UNC13C: variants seen among roughly 807,000 people sequenced by gnomAD.
UNC13C encodes unc-13 homolog C.
UNC13C carries 174 observed loss-of-function variants against 245.4 expected under a neutral mutation model. That is an observed-to-expected ratio of 0.71 (90% CI 0.63 to 0.80). The LOEUF is 0.80. UNC13C is among the 30% of genes least tolerant of loss of function. The pLI is 0.00. For missense variants in UNC13C, 2,829 were observed against 2,602.9 expected (o/e 1.09, Z -1.89); for synonymous variants, 992 against 895.1 (o/e 1.11, Z -1.93).
intron 18 of UNC13C, among the ~76,000 whole-genome samples, chr15:54,408,033 C>T (rs906487222): frequency 6.6e-6 from 1 of 151,350 alleles, no homozygotes; most frequent in Non-Finnish European, 1.5e-5. Context: ...AACTCCGTCT[C>T]TACTAAAAAT....
At chr15:54,175,155 C>A (rs2033563345) in intron 4 of UNC13C, among the ~76,000 whole-genome samples, 3 of 152,160 alleles carry the variant, frequency 2.0e-5, no homozygotes, top group Admixed American at 6.5e-5. Flanking sequence ...GTTCTCCCTG[C>A]AGCAGAAACT....
At chr15:54,273,579 G>C (rs2036749591) in intron 10 of UNC13C, among the ~76,000 whole-genome samples, 2 of 152,112 alleles carry the variant, frequency 1.3e-5, no homozygotes, top group South Asian at 2.1e-4. Flanking sequence ...TGGGTTATTG[G>C]TCTATCAATG....
rs267604266 is a variant in UNC13C, at chr15:54,555,449, G to A, written c.5895G>A (p.Glu1965=). Residue 1965 remains glutamate (E), a synonymous_variant, in exon 29 of 33, where the codon GAG becomes GAA. Transcript: ENST00000260323. The stretch of plus-strand genomic sequence containing the variant: ...TTTTCCAGGAGCACATGATTCGAGA[G>A]GATGCCAGGGGTCTGACGCCAAGAC... ...LSKLKEHMIR[E]DARGLTPRQC... 2 of 1,612,328 alleles carry A rather than the reference G, an allele frequency of 1.2e-6. No individual in the cohort carries two copies. The highest frequency in any genetic ancestry group is 1.7e-4 in the Middle Eastern group (1 of 6,050).
chr15:54,101,586 C>T (rs1412395814), intron 2 of UNC13C, among the ~76,000 whole-genome samples: 1 of 151,346 alleles, frequency 6.6e-6, no homozygotes, highest in Non-Finnish European at 1.5e-5. Context: ...ATTATCCTCC[C>T]CCTTTTTTTT....
chr15:53,918,751 G>C, the UNC13C span, among the ~76,000 whole-genome samples: 3 of 152,094 alleles, frequency 2.0e-5, no homozygotes, highest in African/African-American at 7.2e-5. Context: ...TTCTGAAGCC[G>C]GATGCTTCTT....
chr15:53,985,531 A>G (rs533573277), intron 1 of UNC13C, among the ~76,000 whole-genome samples: 20 of 152,034 alleles, frequency 1.3e-4, no homozygotes, highest in African/African-American at 4.3e-4. Context: ...AAGAAGAGAG[A>G]TTAGAGTCTG....
At chr15:54,161,641 C>T (rs2032979378) in intron 4 of UNC13C, among the ~76,000 whole-genome samples, 1 of 151,808 alleles carries the variant, frequency 6.6e-6, no homozygotes, top group African/African-American at 2.4e-5. Flanking sequence ...AGCCTTTTGT[C>T]AGTTATCATT....
chr15:54,280,713 TAC>T lies in UNC13C; in HGVS notation c.3819-13180_3819-13179del, dbSNP rs946198388. Among the ~76,000 whole-genome samples, 12 of 134,822 alleles carry T rather than the reference TAC, an allele frequency of 8.9e-5. 1 individual carries two copies. The highest frequency in any genetic ancestry group is 3.6e-4 in the African/African-American group (12 of 33,222). The allele number at this position is 134,822 out of a possible 152,430, so 88.4% of individuals were successfully genotyped here. The stretch of plus-strand genomic sequence containing the variant: ...ATAAACATATGTATACATACATATA[TAC>T]ATATATAAACATATGTATACATACA... On this transcript the variant is annotated intron_variant, in intron 10 of 32. Transcript: ENST00000260323.
At chr15:53,973,575 T>C (rs1893604803), upstream of UNC13C, among the ~76,000 whole-genome samples, 1 of 137,008 alleles carries the variant, frequency 7.3e-6, no homozygotes, top group Non-Finnish European at 1.6e-5. Flanking sequence ...GTTTCCTGAA[T>C]CAACAAAATT....
chr15:54,346,630 A>G (rs1271223474), intron 17 of UNC13C, among the ~76,000 whole-genome samples: 1 of 152,222 alleles, frequency 6.6e-6, no homozygotes, highest in Non-Finnish European at 1.5e-5. Flanking sequence ...TTGATAGAAA[A>G]GTAGAGACAG....
At chr15:54,428,860 G>C (rs1407715027) in intron 19 of UNC13C, among the ~76,000 whole-genome samples, 1 of 151,624 alleles carries the variant, frequency 6.6e-6, no homozygotes, top group Non-Finnish European at 1.5e-5. Context: ...GGTGCTTCCT[G>C]ACTCCTGCCC....
chr15:54,042,574 C>T (rs2141036026), intron 2 of UNC13C, among the ~76,000 whole-genome samples: 1 of 152,212 alleles, frequency 6.6e-6, no homozygotes, highest in African/African-American at 2.4e-5. Context: ...CTTACTGAGG[C>T]CGGGTGTGGT....
chr15:54,109,442 TGC>T (rs1305162470), intron 2 of UNC13C, among the ~76,000 whole-genome samples: 6 of 148,786 alleles, frequency 4.0e-5, no homozygotes, highest in African/African-American at 1.5e-4. Flanking sequence ...CCCAGGTTCA[TGC>T]CATTCTCCTG....
intron 18 of UNC13C, among the ~76,000 whole-genome samples, chr15:54,401,483 T>C (rs1325934947): frequency 1.3e-5 from 2 of 152,160 alleles, no homozygotes; most frequent in African/African-American, 4.8e-5. Context: ...TCTGGAACTG[T>C]ACCAAGAAAT....
At chr15:54,492,873 C>T (rs530634050) in intron 19 of UNC13C, among the ~76,000 whole-genome samples, 9 of 152,142 alleles carry the variant, frequency 5.9e-5, no homozygotes, top group Admixed American at 5.9e-4. Flanking sequence ...TTCTAGGACA[C>T]AGGAGGAAAA....
chr15:54,517,415 TG>T (rs1895027839), intron 24 of UNC13C, among the ~76,000 whole-genome samples: 1 of 152,110 alleles, frequency 6.6e-6, no homozygotes, highest in Non-Finnish European at 1.5e-5. Context: ...GGGCAGAAAT[TG>T]GGGTACAAAA....
chr15:54,204,531 A>G (rs775649315), intron 4 of UNC13C, among the ~76,000 whole-genome samples: 12 of 152,148 alleles, frequency 7.9e-5, no homozygotes, highest in African/African-American at 1.9e-4. Context: ...GATATAAAGT[A>G]TCAAATTCTC....
intron 32 of UNC13C, among the ~76,000 whole-genome samples, chr15:54,624,247 A>G (rs1252222896): frequency 6.6e-6 from 1 of 152,192 alleles, no homozygotes; most frequent in Non-Finnish European, 1.5e-5. Context: ...GTCATATGGC[A>G]TTAAATACAA....
At chr15:54,488,749 G>T (rs574628786) in intron 19 of UNC13C, among the ~76,000 whole-genome samples, 7 of 152,166 alleles carry the variant, frequency 4.6e-5, no homozygotes, top group South Asian at 4.2e-4. Context: ...TTTTATTCTG[G>T]TAGTAAAATA....
Sources: allele counts gnomAD v4.1 joint callset (sites outside exome capture counted in the v4.1 genomes callset), GRCh38; gene constraint gnomAD v4.1.1; transcripts MANE v1.5; gene names NCBI Gene and HGNC (gene_info 2026-07-23, HGNC 2026-07-21).